GRK4: variants seen among roughly 807,000 people sequenced by gnomAD.
GRK4 encodes G protein-coupled receptor kinase 2-like.
GRK4 carries 73 observed loss-of-function variants against 77.9 expected under a neutral mutation model. The ratio of observed to expected loss-of-function variants is 0.94; its 90% confidence interval spans 0.78 to 1.14. The LOEUF (loss-of-function observed/expected upper bound fraction) is 1.14, where lower values mean the gene tolerates loss of function less well. Among genes scored for constraint, GRK4 ranks in the 50% most tolerant of loss-of-function variants. GRK4 has a pLI of 0.00. For missense variants in GRK4, 729 were observed against 700.2 expected (o/e 1.04, Z -0.46); for synonymous variants, 257 against 254.4 (o/e 1.01, Z -0.10).
chr4:3,014,689 T>G (rs571896329), intron 8 of GRK4, among the ~76,000 whole-genome samples: 2 of 152,070 alleles, frequency 1.3e-5, no homozygotes, highest in East Asian at 3.9e-4. Context: ...CCCAGCTACT[T>G]GGGATGCTGG....
intron 9 of GRK4, among the ~76,000 whole-genome samples, chr4:3,020,280 A>G (rs1452595323): frequency 6.6e-6 from 1 of 152,198 alleles, no homozygotes; most frequent in Non-Finnish European, 1.5e-5. Flanking sequence ...TGCTGGGATT[A>G]CAGGTGTGAG....
intron 1 of GRK4, among the ~76,000 whole-genome samples, chr4:2,975,215 A>G (rs1203865434): frequency 6.6e-6 from 1 of 152,134 alleles, no homozygotes; most frequent in Non-Finnish European, 1.5e-5. Flanking sequence ...AGGCAGGAGA[A>G]TCGCTTGAAC....
At chr4:2,985,880 T>C (rs1048607607) in intron 2 of GRK4, 9 of 158,390 alleles carry the variant, frequency 5.7e-5, no homozygotes, top group Non-Finnish European at 9.7e-5. Flanking sequence ...GCGCCTGTAG[T>C]CCCAGCTACT....
At position 2,964,176 on chromosome 4, in the gene GRK4, G is replaced by A. The variant is rs1207776108; in HGVS notation, c.52+54G>A. ...CCCCCCCAGAGAACCCCGAATCCCGGGGAACCCTGGCCCCCCTGAAGGAAC... is the reference window on the plus strand; with the variant it reads ...CCCCCCCAGAGAACCCCGAATCCCGAGGAACCCTGGCCCCCCTGAAGGAAC... On this transcript the variant is annotated intron_variant, in intron 1 of 15. Transcript: ENST00000398052. 6 of 1,431,688 alleles carry A rather than the reference G, an allele frequency of 4.2e-6. No homozygotes were observed. In the African/African-American group the frequency reaches 5.2e-5, roughly 12 times the overall value. 88.7% of individuals were successfully genotyped at this position (1,431,688 alleles called of 1,614,324 possible). A position where few individuals can be genotyped will look rare whatever the true frequency, so the allele number is the denominator to read the frequency against.
chr4:2,997,718 G>A (rs1728341655), intron 4 of GRK4, among the ~76,000 whole-genome samples: 1 of 151,928 alleles, frequency 6.6e-6, no homozygotes. Context: ...GGCCAGCCTG[G>A]CCAGCATGGT....
chr4:2,980,732 G>T (rs3021136), intron 1 of GRK4, among the ~76,000 whole-genome samples: 48,253 of 152,004 alleles, frequency 0.32, 7,908 homozygotes, highest in African/African-American at 0.35. Context: ...GGGGCTGAGC[G>T]GCTGTGCCAC....
chr4:2,999,331 G>A (rs1017268185), intron 4 of GRK4, among the ~76,000 whole-genome samples: 1 of 152,128 alleles, frequency 6.6e-6, no homozygotes, highest in Non-Finnish European at 1.5e-5. Context: ...AACCAGTCCT[G>A]AGATTGCAGC....
intron 5 of GRK4, among the ~76,000 whole-genome samples, chr4:3,005,125 A>G (rs1730923415): frequency 6.6e-6 from 1 of 152,008 alleles, no homozygotes. Flanking sequence ...ATTCCGAGGT[A>G]AAGCACTTTG....
chr4:3,034,208 C>G (rs758808412), intron 12 of GRK4, among the ~76,000 whole-genome samples: 1 of 152,078 alleles, frequency 6.6e-6, no homozygotes, highest in Admixed American at 6.6e-5. Context: ...GTCAGCAAGC[C>G]GAAGAGCTTT....
chr4:3,021,963 T>C (rs1216786858), intron 9 of GRK4, among the ~76,000 whole-genome samples: 2 of 152,184 alleles, frequency 1.3e-5, no homozygotes, highest in Admixed American at 1.3e-4. Flanking sequence ...GTTGAATGAA[T>C]GACCGATGGT....
At chr4:3,010,527 C>T (rs996542239) in intron 7 of GRK4, among the ~76,000 whole-genome samples, 2 of 151,908 alleles carry the variant, frequency 1.3e-5, no homozygotes, top group South Asian at 2.1e-4. Context: ...GTGCCTGGCC[C>T]GGGGTGTTGT....
Position 3,007,886 on chromosome 4 carries a change from C to T in GRK4, c.536+58C>T, listed in dbSNP as rs2109859354. 3 of 1,154,692 alleles carry T rather than the reference C, an allele frequency of 2.6e-6. No homozygotes were observed. In the East Asian group the frequency reaches 7.1e-5, roughly 27 times the overall value. 71.5% of individuals were successfully genotyped at this position (1,154,692 alleles called of 1,614,324 possible). The stretch of plus-strand genomic sequence containing the variant: ...ATTGAGGTGGCACATGCCTGTAGTC[C>T]CAGCTACTCAGGAGGCTGAGGCTGA... On this transcript the variant is annotated intron_variant, in intron 6 of 15. Coordinates refer to ENST00000398052, the MANE Select transcript of GRK4 (RefSeq NM_182982.3).
intron 3 of GRK4, among the ~76,000 whole-genome samples, chr4:2,990,996 G>A (rs1008036759): frequency 2.4e-4 from 37 of 152,276 alleles, no homozygotes; most frequent in African/African-American, 8.9e-4. Context: ...TGGCATGGTT[G>A]TTTGCCCTAT....
intron 12 of GRK4, among the ~76,000 whole-genome samples, chr4:3,032,147 A>G (rs1314927939): frequency 6.6e-6 from 1 of 152,184 alleles, no homozygotes; most frequent in Non-Finnish European, 1.5e-5. Flanking sequence ...AAGAGCTCAC[A>G]GTTTAATGTT....
Position 3,004,263 on chromosome 4 carries a change from T to C in GRK4, c.372T>C (p.Asp124=). 1 of 1,613,888 alleles carries C rather than the reference T, an allele frequency of 6.2e-7. No individual in the cohort carries two copies. Among genetic ancestry groups the C allele is most frequent in the South Asian group, 1.1e-5 (1 of 91,076 alleles). Residue 124 remains aspartate, a synonymous_variant, in exon 5 of 16, where the codon GAT becomes GAC. Transcript: ENST00000398052. The part of the protein sequence containing the change: ...LAAPLPEIPP[D]VVTECRLGLK... Reference sequence around the variant, plus strand: ...CCCCTTTACCAGAAATACCTCCAGATGTTGTGACAGAATGTAGATTGGGAC... The same window carrying C: ...CCCCTTTACCAGAAATACCTCCAGACGTTGTGACAGAATGTAGATTGGGAC...
At chr4:3,023,527 G>T (rs1418396217) in intron 10 of GRK4, among the ~76,000 whole-genome samples, 1 of 152,196 alleles carries the variant, frequency 6.6e-6, no homozygotes, top group East Asian at 1.9e-4. Flanking sequence ...ATGCTTTCAT[G>T]CTTATCTAAT....
chr4:2,993,475 A>T (rs962769326), intron 4 of GRK4, among the ~76,000 whole-genome samples: 4 of 152,178 alleles, frequency 2.6e-5, no homozygotes, highest in Non-Finnish European at 2.9e-5. Flanking sequence ...AGAATTCGAC[A>T]CAGGCCTGGC....
intron 2 of GRK4, among the ~76,000 whole-genome samples, chr4:2,986,392 G>T (rs1242872349): frequency 8.2e-6 from 1 of 122,288 alleles, no homozygotes; most frequent in Non-Finnish European, 1.6e-5. Flanking sequence ...GAGTCTCGCT[G>T]TGTCGCCAGG....
At chr4:2,984,658 C>A (rs1193665315) in intron 2 of GRK4, 50 bp downstream of exon 2, 3 of 932,110 alleles carry the variant, frequency 3.2e-6, no homozygotes, top group African/African-American at 1.7e-5. Context: ...TGGCATGATA[C>A]CATTCATTAG....
Sources: gnomAD v4.1 joint callset for allele counts (sites outside exome capture counted in the v4.1 genomes callset) on GRCh38, gnomAD v4.1.1 for gene constraint, MANE v1.5 for transcripts, NCBI Gene and HGNC (gene_info 2026-07-23, HGNC 2026-07-21) for gene names.